The following NCAPD3 variants were observed in gnomAD, a reference collection of about 807,000 sequenced individuals.
NCAPD3 encodes condensin-2 complex subunit D3.
Under a neutral mutation model 182.9 loss-of-function variants are expected in NCAPD3, and 105 were observed. The ratio of observed to expected loss-of-function variants is 0.57; its 90% confidence interval spans 0.49 to 0.68. NCAPD3 has a LOEUF of 0.68. Among genes scored for constraint, NCAPD3 ranks in the 30% least tolerant of loss-of-function variants. The pLI is 0.00. For synonymous variants in NCAPD3, 815 were observed against 679.9 expected (o/e 1.20, Z -3.09); for missense variants, 1,944 against 1,837.0 (o/e 1.06, Z -1.07).
At position 134,176,420 on chromosome 11, in the gene NCAPD3, C is replaced by T. The variant is rs572124043; in HGVS notation, c.3022-34G>A. 2.5e-5 allele frequency: 40 copies of T among 1,579,440 alleles called. No individual in the cohort carries two copies. In the Admixed American group the frequency reaches 3.2e-4, roughly 13 times the overall value. On this transcript the variant is annotated intron_variant, in intron 23 of 34. Transcript: ENST00000534548. Reference sequence around the variant, plus strand: ...AGAGAAGCCGGCATGTTTCAGAGTGCGTCATCATGGGCAAGCCTCACTGTT... The same window carrying T: ...AGAGAAGCCGGCATGTTTCAGAGTGTGTCATCATGGGCAAGCCTCACTGTT...
intron 15 of NCAPD3, 129 bp downstream of exon 15, chr11:134,193,887 T>C: frequency 2.3e-6 from 2 of 854,822 alleles, no homozygotes; most frequent in Non-Finnish European, 3.6e-6. Flanking sequence ...CCTTACATTG[T>C]ACAGTTCTAC....
rs370562150 is a variant in NCAPD3 at position 134,178,643 on chromosome 11, T to C, written c.2773A>G (p.Ile925Val). The change falls in exon 22 of 35, where the codon ATT becomes GTT. Residue 925 changes from isoleucine to valine, a missense_variant. Physicochemically the swap from Ile to Val is conservative, Grantham distance 29. This residue lies in a region of NCAPD3 where 1,803 missense variants were observed against 1,674.6 expected (regional missense o/e 1.08). Coordinates refer to ENST00000534548, the MANE Select transcript of NCAPD3 (RefSeq NM_015261.3). ...CCCATGTTTTTCTTACCTAAGGTAA[T>C]GATGGCATGTGCTCTAATCACAGAG... ...MPSVIRAHAI[I>V]TLGKLCLQHE... 2.1e-5 allele frequency: 32 copies of C among 1,548,812 alleles called. No individual in the cohort carries two copies. The highest frequency in any genetic ancestry group is 2.7e-5 in the Non-Finnish European group (31 of 1,146,352).
At chr11:134,214,625 C>T (rs1488744463) in intron 3 of NCAPD3, among the ~76,000 whole-genome samples, 3 of 151,954 alleles carry the variant, frequency 2.0e-5, no homozygotes, top group African/African-American at 7.3e-5. Flanking sequence ...CAAAAGGGGG[C>T]CCTCCAAAAT....
intron 27 of NCAPD3, among the ~76,000 whole-genome samples, chr11:134,164,473 T>A (rs1943697532): frequency 6.6e-6 from 1 of 152,114 alleles, no homozygotes; most frequent in East Asian, 1.9e-4. Context: ...AAGAAAGAAG[T>A]CAGCACCAGA....
rs1944230657 is a variant in NCAPD3 at position 134,178,861 on chromosome 11, T to C, written c.2635A>G (p.Ile879Val). Residue 879 changes from isoleucine to valine, a missense_variant, in exon 21 of 35, where the codon ATT (isoleucine) becomes GTT (valine). Coordinates refer to ENST00000534548, the MANE Select transcript of NCAPD3 (RefSeq NM_015261.3). ...GCAGACGAAGCCAGGACGGACTGAA[T>C]CAGAAGGAAGATGCGCTTCTCCACC... ...ARVEKRIFLL[I>V]QSVLASSADA... 1.2e-6 allele frequency: 2 copies of C among 1,614,006 alleles called. No individual in the cohort carries two copies. The highest frequency in any genetic ancestry group is 2.7e-5 in the African/African-American group (2 of 74,912).
intron 27 of NCAPD3, among the ~76,000 whole-genome samples, chr11:134,164,929 T>C (rs1943718789): frequency 6.7e-6 from 1 of 149,548 alleles, no homozygotes; most frequent in Admixed American, 6.6e-5. Flanking sequence ...TGAGATGAGC[T>C]TAGGGGGAGG....
chr11:134,179,157 C>T (rs990613721), intron 20 of NCAPD3, among the ~76,000 whole-genome samples: 5 of 152,132 alleles, frequency 3.3e-5, no homozygotes, highest in Admixed American at 1.3e-4. Context: ...TCATCTAAAT[C>T]TAGACACATC....
chr11:134,212,828 T>C (rs138663263), intron 3 of NCAPD3, among the ~76,000 whole-genome samples: 2 of 151,130 alleles, frequency 1.3e-5, no homozygotes, highest in African/African-American at 4.9e-5. Context: ...TGCAAAAGAG[T>C]ATAGCTAATA....
In NCAPD3 at chr11:134,152,593, G is replaced by A. The variant is rs1197129583; in HGVS notation, c.*351C>T. 1.6e-5 allele frequency: 3 copies of A among 185,586 alleles called. No individual in the cohort carries two copies. The highest frequency in any genetic ancestry group is 4.7e-5 in the African/African-American group (2 of 42,814). The allele number at this position is 185,586 out of a possible 1,614,324, so 11.5% of individuals were successfully genotyped here. On this transcript the variant is annotated 3_prime_UTR_variant, in exon 35 of 35. Transcript: ENST00000534548. ...ACTATAAGGAATTCAAGTTAACAGAGGCTTGATTTATATAAAAGAAAGCTG... is the reference window on the plus strand; with the variant it reads ...ACTATAAGGAATTCAAGTTAACAGAAGCTTGATTTATATAAAAGAAAGCTG...
chr11:134,178,380 AAAAC>A (rs2135976554), intron 22 of NCAPD3: 2 of 322,760 alleles, frequency 6.2e-6, no homozygotes, highest in Non-Finnish European at 1.1e-5. Context: ...ACCCTACTGA[AAAAC>A]AAAAGCTCCC....
rs747513160 is a variant in NCAPD3 at position 134,192,813 on chromosome 11, C to G, written c.1921G>C (p.Glu641Gln). ...CESTVQEKAL[E>Q]FLDQLLLQNI... ...TGCAGCAGCAGCTGGTCCAGGAACT[C>G]CAGGGCCTTCTCCTGCACAGTGCTC... The change falls in exon 16 of 35, where the codon GAG (glutamate) becomes CAG (glutamine). Residue 641 changes from glutamate (E) to glutamine (Q), a missense_variant. This residue lies in a region of NCAPD3 where 1,803 missense variants were observed against 1,674.6 expected (regional missense o/e 1.08). Transcript: ENST00000534548. The G allele has an allele frequency of 6.2e-7, 1 of 1,614,194 alleles. No individual in the cohort carries two copies.
intron 20 of NCAPD3, among the ~76,000 whole-genome samples, chr11:134,180,263 G>A (rs1376583493): frequency 2.0e-5 from 3 of 152,028 alleles, no homozygotes; most frequent in African/African-American, 7.2e-5. Context: ...ATCTAAGCTT[G>A]GTCGGTGATC....
rs767713827 is a variant in NCAPD3, at chr11:134,156,983, G to A, written c.4252+35C>T. 22 of 1,551,022 alleles carry A rather than the reference G, an allele frequency of 1.4e-5. No individual in the cohort carries two copies. The South Asian group carries it at 2.1e-4, about 15-fold the overall frequency. On this transcript the variant is annotated intron_variant, in intron 32 of 34. Coordinates refer to ENST00000534548, the MANE Select transcript of NCAPD3 (RefSeq NM_015261.3). ...ACACATCACGAATGCAGGAGAGACT[G>A]AGGAGAAGCCCACGTGTTCCGATCA...
chr11:134,178,798 A>G (rs1944228832), intron 21 of NCAPD3, 24 bp downstream of exon 21: 9 of 1,612,918 alleles, frequency 5.6e-6, no homozygotes, highest in African/African-American at 1.3e-5. Flanking sequence ...TGCGTGCTAC[A>G]GAGTATGATT....
At chr11:134,201,102 G>A (rs1308862829) in intron 13 of NCAPD3, among the ~76,000 whole-genome samples, 1 of 149,046 alleles carries the variant, frequency 6.7e-6, no homozygotes, top group Non-Finnish European at 1.5e-5. Context: ...TCGGCTCACT[G>A]CAACCTCCAC....
At position 134,192,911 on chromosome 11, in the gene NCAPD3, T is replaced by G; in HGVS notation, c.1825-2A>C. 1 of 1,579,142 alleles carries G rather than the reference T, an allele frequency of 6.3e-7. No homozygotes were observed. The highest frequency in any genetic ancestry group is 8.7e-7 in the Non-Finnish European group (1 of 1,148,664). On this transcript the variant is annotated splice_acceptor_variant, in intron 15 of 34. Transcript: ENST00000534548. LOFTEE classifies it high-confidence loss of function. ...GATCTGCACGCATCTAGGCTGAGCC[T>G]TAGGAGTGAAAGATTATGACATGAG...
rs1438213688 is a variant in NCAPD3 at position 134,153,298 on chromosome 11, A to C, written c.4318T>G (p.Ser1440Ala). The change falls in exon 33 of 35, where the codon TCA becomes GCA. Residue 1440 changes from serine (S) to alanine (A), a missense_variant. Ser to Ala is a moderately conservative substitution (Grantham distance 99). Transcript: ENST00000534548. The stretch of plus-strand genomic sequence containing the variant: ...GACACCAAGAACTTGCCTTTGGCTG[A>C]CGACGGAGTCCGTGGTGTCCCGATG... ...SYIGTPRTPS[S>A]AKEKIEGRSQ... 2 of 1,614,092 alleles carry C rather than the reference A, an allele frequency of 1.2e-6. No individual in the cohort carries two copies. Among genetic ancestry groups the C allele is most frequent in the Non-Finnish European group, 1.7e-6 (2 of 1,180,044 alleles).
intron 22 of NCAPD3, chr11:134,178,009 C>CA (rs1395409162): frequency 6.6e-6 from 1 of 151,162 alleles, no homozygotes; most frequent in African/African-American, 2.4e-5. Flanking sequence ...ACTAATATTA[C>CA]AAAAAAATTA....
At chr11:134,185,246 T>G in intron 17 of NCAPD3, 89 bp downstream of exon 17, 1 of 1,182,008 alleles carries the variant, frequency 8.5e-7, no homozygotes, top group Non-Finnish European at 1.2e-6. Context: ...TGTATATGAA[T>G]AGCTATGAAA....
Sources: allele counts gnomAD v4.1 joint callset (sites outside exome capture counted in the v4.1 genomes callset), GRCh38; gene constraint gnomAD v4.1.1; regional missense constraint gnomAD v4.1.1; transcripts MANE v1.5; gene names NCBI Gene and HGNC (gene_info 2026-07-23, HGNC 2026-07-21).